The following TRIM44 variants were observed in gnomAD, a reference collection of about 807,000 sequenced individuals.
TRIM44 encodes tripartite motif-containing protein 44.
TRIM44 carries 13 observed loss-of-function variants against 37.4 expected under a neutral mutation model. The ratio of observed to expected loss-of-function variants is 0.35; its 90% confidence interval spans 0.23 to 0.55. TRIM44 has a LOEUF of 0.55. TRIM44 is among the 20% of genes least tolerant of loss of function. The pLI is 0.89. For missense variants in TRIM44, 426 were observed against 437.2 expected (o/e 0.97, Z 0.23); for synonymous variants, 175 against 157.2 (o/e 1.11, Z -0.85).
chr11:35,765,982 AT>A lies in TRIM44; in HGVS notation c.1007+30538del, dbSNP rs543132212. Among the ~76,000 whole-genome samples, 280 of 152,350 alleles carry A rather than the reference AT, an allele frequency of 1.8e-3. 2 individuals carry two copies. The highest frequency in any genetic ancestry group is 6.5e-3 in the African/African-American group (269 of 41,596). ...GATATGGTACATTTCATAAGACCCA[AT>A]AAAAGCAAGTATTTCTGTGCCTGGT... is the stretch of plus-strand genomic sequence containing the variant. On this transcript the variant is annotated intron_variant, in intron 4 of 4. Transcript: ENST00000299413.
At chr11:35,728,162 C>G (rs2938189) in intron 3 of TRIM44, among the ~76,000 whole-genome samples, 24,323 of 152,096 alleles carry the variant, frequency 0.16, 2,199 homozygotes, top group Admixed American at 0.3. Flanking sequence ...CCTGTCTGTA[C>G]TAAAAATAGA....
At chr11:35,682,435 G>C (rs952806340) in intron 1 of TRIM44, among the ~76,000 whole-genome samples, 2 of 152,140 alleles carry the variant, frequency 1.3e-5, no homozygotes, top group Non-Finnish European at 2.9e-5. Flanking sequence ...CCTCCATTTG[G>C]ACTCTTGCCC....
intron 4 of TRIM44, among the ~76,000 whole-genome samples, chr11:35,798,440 A>G (rs926679845): frequency 6.6e-6 from 1 of 152,168 alleles, no homozygotes; most frequent in African/African-American, 2.4e-5. Flanking sequence ...CAAATATACC[A>G]TGCTAATGTA....
At chr11:35,726,196 G>C in intron 3 of TRIM44, 33 bp downstream of exon 3, 1 of 1,606,086 alleles carries the variant, frequency 6.2e-7, no homozygotes, top group Admixed American at 1.7e-5. Context: ...TTAGTAGCAA[G>C]AGAAATAGGA....
chr11:35,757,450 G>A (rs752586074), intron 4 of TRIM44, among the ~76,000 whole-genome samples: 12 of 152,024 alleles, frequency 7.9e-5, no homozygotes, highest in Non-Finnish European at 1.8e-4. Context: ...CAAAAAACCA[G>A]CTCCTGGATT....
intron 4 of TRIM44, among the ~76,000 whole-genome samples, chr11:35,780,836 C>A (rs1331118673): frequency 1.3e-5 from 2 of 148,304 alleles, no homozygotes; most frequent in African/African-American, 2.5e-5. Flanking sequence ...ATGCTGCCTT[C>A]TTTCTTTTTA....
At chr11:35,751,286 G>T (rs889977905) in intron 4 of TRIM44, among the ~76,000 whole-genome samples, 37 of 152,220 alleles carry the variant, frequency 2.4e-4, no homozygotes, top group Admixed American at 6.5e-5. Flanking sequence ...TTTATCATAT[G>T]TTGGGAAGAA....
chr11:35,717,323 A>G (rs912916794), intron 2 of TRIM44, among the ~76,000 whole-genome samples: 14 of 152,304 alleles, frequency 9.2e-5, no homozygotes, highest in Admixed American at 3.3e-4. Context: ...GTGAAATTAA[A>G]TAGAGTTGGT....
At chr11:35,717,237 A>G (rs1836331927) in intron 2 of TRIM44, among the ~76,000 whole-genome samples, 1 of 152,208 alleles carries the variant, frequency 6.6e-6, no homozygotes, top group South Asian at 2.1e-4. Flanking sequence ...CTCAGTGGAA[A>G]GTGATTTTGC....
chr11:35,788,461 C>T (rs1853157565), intron 4 of TRIM44, among the ~76,000 whole-genome samples: 1 of 152,022 alleles, frequency 6.6e-6, no homozygotes, highest in Non-Finnish European at 1.5e-5. Context: ...AAAATAAAGC[C>T]TCTAGTATGG....
chr11:35,713,152 C>A (rs1204197606), intron 2 of TRIM44, among the ~76,000 whole-genome samples: 1 of 152,172 alleles, frequency 6.6e-6, no homozygotes, highest in African/African-American at 2.4e-5. Flanking sequence ...CAGGTCTTTA[C>A]ACCTACGAAG....
chr11:35,705,080 A>G (rs1170353167), intron 2 of TRIM44, among the ~76,000 whole-genome samples: 4 of 149,192 alleles, frequency 2.7e-5, no homozygotes, highest in Admixed American at 6.7e-5. Context: ...TACCAAGCCA[A>G]TGGAAAACAA....
chr11:35,690,948 G>T (rs1473660694), intron 2 of TRIM44, among the ~76,000 whole-genome samples: 1 of 152,194 alleles, frequency 6.6e-6, no homozygotes, highest in Non-Finnish European at 1.5e-5. Context: ...TGGGTAAATA[G>T]ATGTATATAT....
intron 4 of TRIM44, among the ~76,000 whole-genome samples, chr11:35,785,805 T>C (rs1480300372): frequency 2.0e-5 from 3 of 152,214 alleles, no homozygotes; most frequent in African/African-American, 4.8e-5. Context: ...TTTTGCCTCC[T>C]AAAACGTTCA....
At chr11:35,670,976 A>G (rs762393202) in intron 1 of TRIM44, among the ~76,000 whole-genome samples, 6 of 152,248 alleles carry the variant, frequency 3.9e-5, no homozygotes, top group Non-Finnish European at 8.8e-5. Flanking sequence ...AGTGCAATGT[A>G]CATTTACTTA....
intron 2 of TRIM44, among the ~76,000 whole-genome samples, chr11:35,714,787 T>A (rs1246420814): frequency 6.6e-6 from 1 of 152,090 alleles, no homozygotes; most frequent in Non-Finnish European, 1.5e-5. Context: ...CACCTCCCAC[T>A]TCTACACGAT....
chr11:35,793,361 C>T (rs1390418248), intron 4 of TRIM44, among the ~76,000 whole-genome samples: 1 of 151,922 alleles, frequency 6.6e-6, no homozygotes, highest in African/African-American at 2.4e-5. Flanking sequence ...CCCGTCGCTA[C>T]TAAAAATACA....
rs151094578 is a variant in TRIM44 at position 35,779,763 on chromosome 11, T to G, written c.1008-26595T>G. On this transcript the variant is annotated intron_variant, in intron 4 of 4. Coordinates refer to ENST00000299413, the MANE Select transcript of TRIM44 (RefSeq NM_017583.6). ...CTTGTGTTTAAATCTTTAATCTGAGTTTTTTTTTGTATATGGTAAAAGGTA... is the reference window on the plus strand; with the variant it reads ...CTTGTGTTTAAATCTTTAATCTGAGGTTTTTTTTGTATATGGTAAAAGGTA... Among the ~76,000 whole-genome samples, 267 of 150,386 alleles carry G rather than the reference T, an allele frequency of 1.8e-3. 2 individuals are homozygous for G. Among genetic ancestry groups the G allele is most frequent in the African/African-American group, 6.5e-3 (261 of 40,396 alleles).
chr11:35,765,960 A>T (rs564883169), intron 4 of TRIM44, among the ~76,000 whole-genome samples: 1 of 152,228 alleles, frequency 6.6e-6, no homozygotes, highest in East Asian at 1.9e-4. Flanking sequence ...AGGAAAGGAT[A>T]TGGTACATTT....
Sources: allele counts gnomAD v4.1 joint callset (sites outside exome capture counted in the v4.1 genomes callset), GRCh38; gene constraint gnomAD v4.1.1; transcripts MANE v1.5; gene names NCBI Gene and HGNC (gene_info 2026-07-23, HGNC 2026-07-21).